Variants in SKIC3 observed in about 807,000 individuals in gnomAD.
SKIC3 encodes the protein SKI3 subunit of superkiller complex.
chr5:95,551,618 C>T, the SKIC3 span, among the ~76,000 whole-genome samples: 1 of 152,188 alleles, frequency 6.6e-6, no homozygotes, highest in African/African-American at 2.4e-5. Flanking sequence ...CCTCCTCACC[C>T]AATCTAGTTT....
the SKIC3 span, among the ~76,000 whole-genome samples, chr5:95,487,710 C>G: frequency 1.3e-5 from 2 of 152,058 alleles, no homozygotes; most frequent in Middle Eastern, 3.2e-3. Flanking sequence ...AAAGAAAATT[C>G]CAAAATTGGA....
At chr5:95,543,158 T>A in the SKIC3 span, 3 of 1,612,684 alleles carry the variant, frequency 1.9e-6, no homozygotes, top group Non-Finnish European at 2.5e-6. Flanking sequence ...ATTTCCATAA[T>A]ACAGAAAAAA....
the SKIC3 span, among the ~76,000 whole-genome samples, chr5:95,511,043 A>G: frequency 4.6e-5 from 7 of 152,252 alleles, no homozygotes; most frequent in Non-Finnish European, 1.0e-4. Context: ...AACTAAGGTT[A>G]AAATCAAATA....
At chr5:95,536,728 T>G in the SKIC3 span, 38 of 1,028,390 alleles carry the variant, frequency 3.7e-5, no homozygotes, top group Non-Finnish European at 5.9e-5. Context: ...ACCTTAAACA[T>G]GGTAGACACT....
chr5:95,552,789 CAA>C, the SKIC3 span, among the ~76,000 whole-genome samples: 1 of 151,398 alleles, frequency 6.6e-6, no homozygotes, highest in African/African-American at 2.4e-5. Flanking sequence ...TGTACGTTCA[CAA>C]AAGAGTAATC....
At chr5:95,546,211 A>C in the SKIC3 span, among the ~76,000 whole-genome samples, 1 of 152,214 alleles carries the variant, frequency 6.6e-6, no homozygotes, top group Non-Finnish European at 1.5e-5. Context: ...TGAGAAACTG[A>C]ATACAAAGAG....
At chr5:95,541,318 T>C in the SKIC3 span, 1 of 1,613,826 alleles carries the variant, frequency 6.2e-7, no homozygotes, top group Non-Finnish European at 8.5e-7. Context: ...TAGGTGTTTC[T>C]TTTCTTGGTA....
At chr5:95,544,000 A>G in the SKIC3 span, among the ~76,000 whole-genome samples, 1 of 152,246 alleles carries the variant, frequency 6.6e-6, no homozygotes, top group Admixed American at 6.5e-5. Flanking sequence ...CCAAAATGAA[A>G]TTAGCCTCTT....
At chr5:95,528,982 C>G in the SKIC3 span, 12 of 1,610,666 alleles carry the variant, frequency 7.5e-6, no homozygotes, top group Admixed American at 2.0e-4. Context: ...TATGTCAACC[C>G]AAAAAGTATC....
the SKIC3 span, among the ~76,000 whole-genome samples, chr5:95,472,863 T>C: frequency 0.01 from 1,579 of 152,326 alleles, 26 homozygotes; most frequent in African/African-American, 0.035. Context: ...GCGTATTTGA[T>C]TTTCTGTCCC....
At chr5:95,478,836 T>G in the SKIC3 span, among the ~76,000 whole-genome samples, 1 of 152,118 alleles carries the variant, frequency 6.6e-6, no homozygotes. Flanking sequence ...AAGAAAAAAC[T>G]CTCTTAGCAT....
the SKIC3 span, among the ~76,000 whole-genome samples, chr5:95,491,234 T>A: frequency 1.1e-4 from 16 of 152,218 alleles, no homozygotes; most frequent in Non-Finnish European, 1.8e-4. Context: ...TTTGCCAATT[T>A]TTCCAAACAT....
chr5:95,486,587 T>A, the SKIC3 span, among the ~76,000 whole-genome samples: 42 of 152,228 alleles, frequency 2.8e-4, no homozygotes, highest in South Asian at 7.1e-3. Flanking sequence ...CTAAGGACAG[T>A]CTACCTGGCC....
chr5:95,513,544 C>T, the SKIC3 span: 1 of 1,605,838 alleles, frequency 6.2e-7, no homozygotes, highest in Non-Finnish European at 8.5e-7. Flanking sequence ...ATTAATGAAT[C>T]CTCAAGAAGA....
At chr5:95,508,146 C>T in the SKIC3 span, among the ~76,000 whole-genome samples, 1 of 152,130 alleles carries the variant, frequency 6.6e-6, no homozygotes, top group African/African-American at 2.4e-5. Flanking sequence ...GCTCCAGTAC[C>T]ATCTAGTGAT....
chr5:95,547,954 A>G, the SKIC3 span, among the ~76,000 whole-genome samples: 2 of 152,124 alleles, frequency 1.3e-5, no homozygotes, highest in East Asian at 3.8e-4. Context: ...ACTTGAATGG[A>G]AGCAATGGAT....
chr5:95,514,492 C>G, the SKIC3 span, among the ~76,000 whole-genome samples: 1 of 152,054 alleles, frequency 6.6e-6, no homozygotes, highest in South Asian at 2.1e-4. Flanking sequence ...TTTCTTTGTA[C>G]ATGTGAGTTA....
the SKIC3 span, among the ~76,000 whole-genome samples, chr5:95,522,922 A>G: frequency 1.3e-5 from 2 of 152,168 alleles, no homozygotes; most frequent in African/African-American, 4.8e-5. Context: ...CAACAAAGAT[A>G]TGTACCTCAG....
chr5:95,526,482 T>C, the SKIC3 span, among the ~76,000 whole-genome samples: 1 of 150,912 alleles, frequency 6.6e-6, no homozygotes, highest in Non-Finnish European at 1.5e-5. Context: ...TTTTTTTTTG[T>C]TTTTTGGAGA....
Sources: gnomAD v4.1 joint callset for allele counts (sites outside exome capture counted in the v4.1 genomes callset) on GRCh38, gnomAD v4.1.1 for gene constraint, MANE v1.5 for transcripts, NCBI Gene and HGNC (gene_info 2026-07-23, HGNC 2026-07-21) for gene names.